The following TLL1 variants were observed in gnomAD, a reference collection of about 807,000 sequenced individuals.
TLL1 encodes the protein tolloid like 1, also known as tolloid-like protein 1.
Under a neutral mutation model 128.2 loss-of-function variants are expected in TLL1, and 49 were observed. The observed-to-expected ratio is 0.38, with a 90% CI of 0.30 to 0.48. TLL1 has a LOEUF of 0.48. TLL1 is among the 20% of genes least tolerant of loss of function. The probability of loss-of-function intolerance (pLI) is 0.96; values close to 1 mark genes in which losing one functional copy is unlikely to be tolerated. For missense variants in TLL1, 1,123 were observed against 1,242.0 expected (o/e 0.90, Z 1.44); for synonymous variants, 454 against 418.8 (o/e 1.08, Z -1.03).
intron 15 of TLL1, among the ~76,000 whole-genome samples, chr4:166,060,803 C>T (rs1273244668): frequency 6.6e-6 from 1 of 152,182 alleles, no homozygotes; most frequent in Admixed American, 6.5e-5. Flanking sequence ...AGTGCACACA[C>T]ACACATCAAA....
At chr4:166,002,144 C>T (rs931574409) in intron 5 of TLL1, among the ~76,000 whole-genome samples, 5 of 152,072 alleles carry the variant, frequency 3.3e-5, no homozygotes, top group Non-Finnish European at 5.9e-5. Context: ...CTGGTAAGGG[C>T]CTGCTCTGGT....
At chr4:165,901,254 C>T (rs1267602956) in intron 1 of TLL1, among the ~76,000 whole-genome samples, 2 of 152,136 alleles carry the variant, frequency 1.3e-5, no homozygotes, top group Admixed American at 1.3e-4. Flanking sequence ...TCATCAAACT[C>T]ATTCTCTGCC....
chr4:165,977,227 G>A (rs1350398751), intron 1 of TLL1, among the ~76,000 whole-genome samples: 1 of 152,104 alleles, frequency 6.6e-6, no homozygotes, highest in Non-Finnish European at 1.5e-5. Context: ...CTGGTGGGAG[G>A]TGATTGGATC....
At chr4:165,988,263 A>G (rs1373590178) in intron 1 of TLL1, among the ~76,000 whole-genome samples, 1 of 152,118 alleles carries the variant, frequency 6.6e-6, no homozygotes. Flanking sequence ...CCATGGTTTC[A>G]CAATGGTTTA....
At position 166,041,030 on chromosome 4, in the gene TLL1, G is replaced by A. The variant is rs1463268789; in HGVS notation, c.1262-997G>A. 3.9e-5 allele frequency among the ~76,000 whole-genome samples: 6 copies of A among 152,098 alleles called. No individual in the cohort carries two copies. The East Asian group carries it at 1.2e-3, about 29-fold the overall frequency. ...TATTTGTGGAAAGATAAGGAAGGAAGGAATGACAGGTATTATATTTATTTG... is the reference window on the plus strand; with the variant it reads ...TATTTGTGGAAAGATAAGGAAGGAAAGAATGACAGGTATTATATTTATTTG... On this transcript the variant is annotated intron_variant, in intron 10 of 20. Transcript: ENST00000061240.
At chr4:166,077,176 T>C (rs1484519127) in intron 17 of TLL1, among the ~76,000 whole-genome samples, 3 of 151,940 alleles carry the variant, frequency 2.0e-5, no homozygotes, top group Non-Finnish European at 4.4e-5. Flanking sequence ...GTTTTTGAAA[T>C]TTAACATTAA....
chr4:165,958,985 T>C (rs1403050994), intron 1 of TLL1, among the ~76,000 whole-genome samples: 2,110 of 137,366 alleles, frequency 0.015, 94 homozygotes, highest in East Asian at 0.15. Flanking sequence ...TCCCCGTTGC[T>C]TGTTTTTCTC....
chr4:166,038,858 A>G (rs1739115576), intron 9 of TLL1, among the ~76,000 whole-genome samples: 1 of 152,196 alleles, frequency 6.6e-6, no homozygotes, highest in Admixed American at 6.5e-5. Flanking sequence ...ATGATATTAT[A>G]TGTTCTGGGA....
chr4:166,004,820 G>A (rs1158745658), intron 6 of TLL1, among the ~76,000 whole-genome samples: 1 of 151,984 alleles, frequency 6.6e-6, no homozygotes, highest in African/African-American at 2.4e-5. Flanking sequence ...AACCTGGGGA[G>A]GAAATTCAGG....
chr4:166,034,042 G>A (rs1738891774), intron 9 of TLL1, among the ~76,000 whole-genome samples: 1 of 152,204 alleles, frequency 6.6e-6, no homozygotes, highest in African/African-American at 2.4e-5. Flanking sequence ...TATTGCCAAA[G>A]ACATTGCTTA....
At chr4:166,036,789 CTGTGTGTGTGTGTGTGTG>C (rs3047083) in intron 9 of TLL1, among the ~76,000 whole-genome samples, 9 of 145,122 alleles carry the variant, frequency 6.2e-5, no homozygotes, top group Non-Finnish European at 1.1e-4. Flanking sequence ...CCCTATCCAA[CTGTGTGTGTGTGTGTGTG>C]TGTGTGTGTG....
At chr4:165,886,633 T>G (rs568619211) in intron 1 of TLL1, among the ~76,000 whole-genome samples, 2 of 152,300 alleles carry the variant, frequency 1.3e-5, no homozygotes, top group South Asian at 4.2e-4. Flanking sequence ...GCATAGTATT[T>G]GAATATAAAC....
chr4:166,078,359 C>T (rs1419469048), intron 18 of TLL1, among the ~76,000 whole-genome samples: 2 of 152,122 alleles, frequency 1.3e-5, no homozygotes, highest in East Asian at 3.8e-4. Context: ...ACAAAAAAAT[C>T]GGAATTTGCC....
At chr4:165,882,955 C>T (rs1375494662) in intron 1 of TLL1, among the ~76,000 whole-genome samples, 3 of 151,644 alleles carry the variant, frequency 2.0e-5, no homozygotes, top group Non-Finnish European at 4.4e-5. Flanking sequence ...GATACGTGTT[C>T]GAGGATGAAA....
At chr4:166,077,861 G>A (rs1741106709) in intron 17 of TLL1, 42 bp from the exon 18 acceptor site, 2 of 1,611,334 alleles carry the variant, frequency 1.2e-6, no homozygotes, top group East Asian at 2.2e-5. Flanking sequence ...TCAAACCTGG[G>A]CTGGATTGCC....
At chr4:165,891,176 T>A (rs1731385595) in intron 1 of TLL1, among the ~76,000 whole-genome samples, 1 of 152,072 alleles carries the variant, frequency 6.6e-6, no homozygotes, top group Non-Finnish European at 1.5e-5. Flanking sequence ...TGTGAAACCA[T>A]TTTTTCCTCC....
intron 18 of TLL1, among the ~76,000 whole-genome samples, chr4:166,081,036 T>C (rs1168545694): frequency 6.6e-6 from 1 of 152,150 alleles, no homozygotes; most frequent in African/African-American, 2.4e-5. Flanking sequence ...GTCTTGGTGT[T>C]GAGCTTTCTC....
chr4:165,979,244 T>C (rs1014705743), intron 1 of TLL1, among the ~76,000 whole-genome samples: 7 of 152,176 alleles, frequency 4.6e-5, no homozygotes, highest in African/African-American at 1.2e-4. Flanking sequence ...GAGCATTGTT[T>C]GTATTAGGGA....
intron 10 of TLL1, among the ~76,000 whole-genome samples, chr4:166,041,141 A>G (rs1351683165): frequency 6.6e-6 from 1 of 152,182 alleles, no homozygotes. Flanking sequence ...TTCTGCCTAA[A>G]CAGATATAAT....
Sources: gnomAD v4.1 joint callset for allele counts (sites outside exome capture counted in the v4.1 genomes callset) on GRCh38, gnomAD v4.1.1 for gene constraint, MANE v1.5 for transcripts, NCBI Gene and HGNC (gene_info 2026-07-23, HGNC 2026-07-21) for gene names.